The following YOD1 variants were observed in gnomAD, a reference collection of about 807,000 sequenced individuals.
The protein encoded by YOD1 is ubiquitin thioesterase OTU1.
Under a neutral mutation model 23.7 loss-of-function variants are expected in YOD1, and 17 were observed. The ratio of observed to expected loss-of-function variants is 0.72; its 90% CI spans 0.49 to 1.07. The LOEUF (loss-of-function observed/expected upper bound fraction) is 1.07. Among genes scored for constraint, YOD1 ranks in the 50% least tolerant of loss-of-function variants. The pLI, the probability that YOD1 is intolerant of heterozygous loss-of-function variation, is 0.00. For synonymous variants in YOD1, 191 were observed against 169.6 expected (o/e 1.13, Z -0.98); for missense variants, 413 against 447.2 (o/e 0.92, Z 0.69).
At position 207,050,905 on chromosome 1, in the gene YOD1, C is replaced by G; in HGVS notation, c.126G>C (p.Arg42=). The G allele has an allele frequency of 6.2e-7, 1 of 1,606,156 alleles. No homozygotes were observed. The highest frequency in any genetic ancestry group is 8.5e-7 in the Non-Finnish European group (1 of 1,176,398). ...GPAGAWPVGS[R]TDTMWRLRCK... is the part of the protein sequence containing the mutation. The stretch of plus-strand genomic sequence containing the variant: ...AGCGGAGCCGCCACATCGTGTCGGT[C>G]CGGCTGCCCACAGGCCAGGCACCCG... The change falls in exon 1 of 2, where the codon CGG becomes CGC. Residue 42 remains arginine (R), a synonymous_variant. Coordinates refer to ENST00000315927, the MANE Select transcript of YOD1 (RefSeq NM_018566.4).
At position 207,044,006 on chromosome 1, in the gene YOD1, C is replaced by T. The variant is rs186984695; in HGVS notation, c.*5014G>A. On this transcript the variant is annotated 3_prime_UTR_variant, in exon 2 of 2. Transcript: ENST00000315927. ...ATGAAGTTAGACATCTTCCAGGTAG[C>T]AGCAGTGTATTACTTCAAAAAATGC... 2.7e-3 allele frequency: 412 copies of T among 152,672 alleles called. 3 individuals are homozygous for T. The highest frequency in any genetic ancestry group is 5.3e-3 in the Admixed American group (81 of 15,292). The allele number at this position is 152,672 out of a possible 1,614,324, so 9.5% of individuals were successfully genotyped here.
At position 207,044,248 on chromosome 1, in the gene YOD1, C is replaced by A. The variant is rs1363739562; in HGVS notation, c.*4772G>T. 6.6e-6 allele frequency: 1 copy of A among 152,348 alleles called. No individual in the cohort carries two copies. The highest frequency in any genetic ancestry group is 6.6e-5 in the Admixed American group (1 of 15,220). 9.4% of individuals were successfully genotyped at this position (152,348 alleles called of 1,614,324 possible). A position where few individuals can be genotyped will look rare whatever the true frequency, so the allele number is the denominator to read the frequency against. On this transcript the variant is annotated 3_prime_UTR_variant, in exon 2 of 2. Transcript: ENST00000315927. Reference sequence around the variant, plus strand: ...TATAGGAATATTGTTGTTCTCTAACCCTTTTCACAAACTATTCATATTCAT... The same window carrying A: ...TATAGGAATATTGTTGTTCTCTAACACTTTTCACAAACTATTCATATTCAT...
rs1219076509 is a variant in YOD1 at position 207,048,177 on chromosome 1, A to C, written c.*843T>G. On this transcript the variant is annotated 3_prime_UTR_variant, in exon 2 of 2. Transcript: ENST00000315927. ...TAAAATGTTATCCAATGTGACAAAG[A>C]CCAATACATGAATTGCATTAAAACA... 1 of 152,674 alleles carries C rather than the reference A, an allele frequency of 6.5e-6. No individual in the cohort carries two copies. The highest frequency in any genetic ancestry group is 1.5e-5 in the Non-Finnish European group (1 of 68,046). 9.5% of individuals were successfully genotyped at this position (152,674 alleles called of 1,614,324 possible).
upstream of YOD1, among the ~76,000 whole-genome samples, chr1:207,051,925 G>C (rs901874782): frequency 6.6e-6 from 1 of 152,258 alleles, no homozygotes; most frequent in South Asian, 2.1e-4. Context: ...GGCAACTAGA[G>C]CACTCTGGGA....
chr1:207,049,047 T>C lies in YOD1; in HGVS notation c.1020A>G (p.Thr340=), dbSNP rs1682666330. The C allele has an allele frequency of 6.2e-7, 1 of 1,613,764 alleles. No homozygotes were observed. Among genetic ancestry groups the C allele is most frequent in the South Asian group, 1.1e-5 (1 of 91,040 alleles). Residue 340 remains threonine (T), a synonymous_variant, in exon 2 of 2, where the codon ACA becomes ACG. Coordinates refer to ENST00000315927, the MANE Select transcript of YOD1 (RefSeq NM_018566.4). ...QAEAREHAKE[T]GHTNFGEV ...ACACTTCTCCAAAGTTGGTATGGCC[T>C]GTCTCCTTGGCATGTTCCCTTGCTT... is the stretch of plus-strand genomic sequence containing the variant.
upstream of YOD1, among the ~76,000 whole-genome samples, chr1:207,052,658 A>C (rs542148604): frequency 7.2e-5 from 11 of 152,270 alleles, no homozygotes; most frequent in African/African-American, 1.2e-4. Context: ...ATCTCAAAAA[A>C]CAAAAACCAA....
Position 207,045,343 on chromosome 1 carries a change from TTGAG to T in YOD1, c.*3673_*3676del, listed in dbSNP as rs1426419290. ...ACCATGCTCCTAATAGTTACTGAAA[TTGAG>T]TTCTACTGTTATCAAAACACCAGAA... On this transcript the variant is annotated 3_prime_UTR_variant, in exon 2 of 2. Transcript: ENST00000315927. 1 of 152,516 alleles carries T rather than the reference TTGAG, an allele frequency of 6.6e-6. No homozygotes were observed. The highest frequency in any genetic ancestry group is 1.5e-5 in the Non-Finnish European group (1 of 67,922). The allele number at this position is 152,516 out of a possible 1,614,324, so 9.4% of individuals were successfully genotyped here. A position where few individuals can be genotyped will look rare whatever the true frequency, so the allele number is the denominator to read the frequency against.
At position 207,044,452 on chromosome 1, in the gene YOD1, ATAAAG is replaced by A. The variant is rs1682546142; in HGVS notation, c.*4563_*4567del. ...CTAATTACATAGCCTATACCAGTTT[ATAAAG>A]TAGACTCATGTAATCATATTAGAAA... On this transcript the variant is annotated 3_prime_UTR_variant, in exon 2 of 2. Coordinates refer to ENST00000315927, the MANE Select transcript of YOD1 (RefSeq NM_018566.4). 6.6e-6 allele frequency: 1 copy of A among 152,570 alleles called. No individual in the cohort carries two copies. Among genetic ancestry groups the A allele is most frequent in the Non-Finnish European group, 1.5e-5 (1 of 67,962 alleles). The allele number at this position is 152,570 out of a possible 1,614,324, so 9.5% of individuals were successfully genotyped here.
rs1215154242 is a variant in YOD1 at position 207,044,742 on chromosome 1, G to C, written c.*4278C>G. ...CATTGCTTTAAAAATGTTTGGAAAAGGGTAATTCATGACTAGGAATGCATC... is the reference window on the plus strand; with the variant it reads ...CATTGCTTTAAAAATGTTTGGAAAACGGTAATTCATGACTAGGAATGCATC... On this transcript the variant is annotated 3_prime_UTR_variant, in exon 2 of 2. Coordinates refer to ENST00000315927, the MANE Select transcript of YOD1 (RefSeq NM_018566.4). 3 of 152,450 alleles carry C rather than the reference G, an allele frequency of 2.0e-5. No individual in the cohort carries two copies. The highest frequency in any genetic ancestry group is 2.9e-5 in the Non-Finnish European group (2 of 67,948). 9.4% of individuals were successfully genotyped at this position (152,450 alleles called of 1,614,324 possible). A position where few individuals can be genotyped will look rare whatever the true frequency, so the allele number is the denominator to read the frequency against.
rs1050829629 is a variant in YOD1 at position 207,045,836 on chromosome 1, C to T, written c.*3184G>A. 6.6e-6 allele frequency: 1 copy of T among 151,956 alleles called. No individual in the cohort carries two copies. The highest frequency in any genetic ancestry group is 1.5e-5 in the Non-Finnish European group (1 of 67,890). The allele number at this position is 151,956 out of a possible 1,614,324, so 9.4% of individuals were successfully genotyped here. A position where few individuals can be genotyped will look rare whatever the true frequency, so the allele number is the denominator to read the frequency against. On this transcript the variant is annotated 3_prime_UTR_variant, in exon 2 of 2. Transcript: ENST00000315927. ...CCTCATTATTATTTTGCTGGGACTT[C>T]ATGGAATAATCAAGCGGCATGACTA...
chr1:207,051,053 C>T lies in YOD1; in HGVS notation c.-23G>A. On this transcript the variant is annotated 5_prime_UTR_variant, in exon 1 of 2. Coordinates refer to ENST00000315927, the MANE Select transcript of YOD1 (RefSeq NM_018566.4). The stretch of plus-strand genomic sequence containing the variant: ...CATCGCGAGAAGTTGCGGGTGGTTG[C>T]AGTTATCGCGACGCTTCGGTGCGGC... The T allele has an allele frequency of 5.4e-6, 8 of 1,480,112 alleles. No individual in the cohort carries two copies. Among genetic ancestry groups the T allele is most frequent in the Non-Finnish European group, 6.3e-6 (7 of 1,117,832 alleles). 91.7% of individuals were successfully genotyped at this position (1,480,112 alleles called of 1,614,324 possible).
upstream of YOD1, among the ~76,000 whole-genome samples, chr1:207,051,258 GGAA>G (rs1295697802): frequency 6.6e-6 from 1 of 152,206 alleles, no homozygotes; most frequent in South Asian, 2.1e-4. Flanking sequence ...AGAGGGCGGG[GGAA>G]GGAGTTCCTG....
Position 207,049,333 on chromosome 1 carries a change from C to G in YOD1, c.734G>C (p.Arg245Thr). ...TGCATCTTCCCCAAAACGATCAATT[C>G]TTACTGTCTGTGTATCCACTACACA... ...EICVVDTQTV[R>T]IDRFGEDAGY... Residue 245 changes from arginine (R) to threonine (T), a missense_variant, in exon 2 of 2, where the codon AGA becomes ACA. By Grantham distance (71) the Arg-to-Thr change is moderately conservative. Transcript: ENST00000315927. 6.2e-7 allele frequency: 1 copy of G among 1,614,162 alleles called. No homozygotes were observed. The highest frequency in any genetic ancestry group is 8.5e-7 in the Non-Finnish European group (1 of 1,180,032).
At chr1:207,051,461 G>C (rs1193748523), upstream of YOD1, among the ~76,000 whole-genome samples, 2 of 152,204 alleles carry the variant, frequency 1.3e-5, no homozygotes, top group African/African-American at 4.8e-5. Context: ...GACTAGACTC[G>C]TGGCTGCATT....
rs753406894 is a variant in YOD1, at chr1:207,050,990, G to A, written c.41C>T (p.Pro14Leu). The change falls in exon 1 of 2, where the codon CCG (proline) becomes CTG (leucine). Residue 14 changes from proline (P) to leucine (L), a missense_variant. Physicochemically the swap from Pro to Leu is moderately conservative, Grantham distance 98 (BLOSUM62 -3). Coordinates refer to ENST00000315927, the MANE Select transcript of YOD1 (RefSeq NM_018566.4). ...PAKGRHFGVH[P>L]APGFPGGVSQ... Reference sequence around the variant, plus strand: ...GACGCCGCCGGGGAAACCAGGCGCCGGGTGGACTCCAAAATGGCGACCTTT... The same window carrying A: ...GACGCCGCCGGGGAAACCAGGCGCCAGGTGGACTCCAAAATGGCGACCTTT... 6 of 1,531,374 alleles carry A rather than the reference G, an allele frequency of 3.9e-6. No individual in the cohort carries two copies. The highest frequency in any genetic ancestry group is 2.5e-5 in the East Asian group (1 of 40,756). The allele number at this position is 1,531,374 out of a possible 1,614,324, so 94.9% of individuals were successfully genotyped here. A position where few individuals can be genotyped will look rare whatever the true frequency, so the allele number is the denominator to read the frequency against.
chr1:207,052,387 C>G, upstream of YOD1: 1 of 614,182 alleles, frequency 1.6e-6, no homozygotes. Context: ...GGTGGCCGGG[C>G]GCAGTGGCTC....
At position 207,050,997 on chromosome 1, in the gene YOD1, C is replaced by T; in HGVS notation, c.34G>A (p.Val12Ile). Reference sequence around the variant, plus strand: ...CCGGGGAAACCAGGCGCCGGGTGGACTCCAAAATGGCGACCTTTAGCGGGG... The same window carrying T: ...CCGGGGAAACCAGGCGCCGGGTGGATTCCAAAATGGCGACCTTTAGCGGGG... ...FGPAKGRHFG[V>I]HPAPGFPGGV... The change falls in exon 1 of 2, where the codon GTC (valine) becomes ATC (isoleucine). Residue 12 changes from valine to isoleucine, a missense_variant. Transcript: ENST00000315927. The T allele has an allele frequency of 6.5e-7, 1 of 1,529,880 alleles. No homozygotes were observed. The highest frequency in any genetic ancestry group is 2.5e-5 in the East Asian group (1 of 40,674). The allele number at this position is 1,529,880 out of a possible 1,614,324, so 94.8% of individuals were successfully genotyped here.
upstream of YOD1, chr1:207,052,299 A>G (rs1390659190): frequency 2.0e-5 from 28 of 1,382,004 alleles, no homozygotes; most frequent in Admixed American, 2.9e-4. Flanking sequence ...TGGTTCTTCA[A>G]GACGACTGCA....
Position 207,050,904 on chromosome 1 carries a change from T to G in YOD1, c.127A>C (p.Thr43Pro). The G allele has an allele frequency of 6.2e-7, 1 of 1,606,410 alleles. No homozygotes were observed. Among genetic ancestry groups the G allele is most frequent in the Non-Finnish European group, 8.5e-7 (1 of 1,176,542 alleles). Reference protein sequence around the residue: ...PAGAWPVGSRTDTMWRLRCKA... With the variant: ...PAGAWPVGSRPDTMWRLRCKA... Reference sequence around the variant, plus strand: ...CAGCGGAGCCGCCACATCGTGTCGGTCCGGCTGCCCACAGGCCAGGCACCC... The same window carrying G: ...CAGCGGAGCCGCCACATCGTGTCGGGCCGGCTGCCCACAGGCCAGGCACCC... Residue 43 changes from threonine to proline, a missense_variant, in exon 1 of 2, where the codon ACC becomes CCC. Coordinates refer to ENST00000315927, the MANE Select transcript of YOD1 (RefSeq NM_018566.4).
Sources: gnomAD v4.1 joint callset for allele counts (sites outside exome capture counted in the v4.1 genomes callset) on GRCh38, gnomAD v4.1.1 for gene constraint, MANE v1.5 for transcripts, NCBI Gene and HGNC (gene_info 2026-07-23, HGNC 2026-07-21) for gene names.